Variants in NBEA observed in about 807,000 individuals in gnomAD.
NBEA encodes the protein lysosomal-trafficking regulator 2.
Under a neutral mutation model 343.4 loss-of-function variants are expected in NBEA, and 44 were observed. The ratio of observed to expected loss-of-function variants is 0.13; its 90% confidence interval spans 0.10 to 0.16. The LOEUF (loss-of-function observed/expected upper bound fraction) is 0.16. Among genes scored for constraint, NBEA ranks in the 10% least tolerant of loss-of-function variants. NBEA has a pLI of 1.00. For missense variants in NBEA, 2,555 were observed against 3,631.3 expected, an observed-to-expected ratio of 0.70 and a Z score of 7.62; for synonymous variants, 1,175 against 1,238.7, an observed-to-expected ratio of 0.95 and a Z score of 1.08.
At chr13:35,576,064 G>A (rs1475280860) in intron 45 of NBEA, among the ~76,000 whole-genome samples, 1 of 151,388 alleles carries the variant, frequency 6.6e-6, no homozygotes, top group African/African-American at 2.4e-5. Flanking sequence ...TTTGATGTAC[G>A]CTGATTCAAA....
At chr13:35,212,232 T>G (rs987442373) in intron 33 of NBEA, among the ~76,000 whole-genome samples, 1 of 152,204 alleles carries the variant, frequency 6.6e-6, no homozygotes, top group Admixed American at 6.5e-5. Context: ...TTTTGTCCTT[T>G]TTGAATTTTA....
chr13:35,457,727 G>C (rs1352902662), intron 40 of NBEA, among the ~76,000 whole-genome samples: 1 of 152,084 alleles, frequency 6.6e-6, no homozygotes, highest in African/African-American at 2.4e-5. Flanking sequence ...TCCTGCCTCA[G>C]CCTCCCGAGT....
At chr13:35,402,272 A>C (rs369483955) in intron 38 of NBEA, among the ~76,000 whole-genome samples, 2 of 152,144 alleles carry the variant, frequency 1.3e-5, no homozygotes, top group East Asian at 3.9e-4. Flanking sequence ...AATAGTAAAA[A>C]TGAGTTCAAA....
At chr13:35,276,284 C>T (rs569142618) in intron 34 of NBEA, among the ~76,000 whole-genome samples, 4 of 151,784 alleles carry the variant, frequency 2.6e-5, no homozygotes, top group East Asian at 3.9e-4. Flanking sequence ...TTTTTAAATG[C>T]GAACCAGGAA....
chr13:35,104,897 T>C (rs1219524567), intron 11 of NBEA, among the ~76,000 whole-genome samples: 1 of 151,980 alleles, frequency 6.6e-6, no homozygotes, highest in Non-Finnish European at 1.5e-5. Context: ...ATCTTAAACA[T>C]TAGGAAAATA....
intron 35 of NBEA, among the ~76,000 whole-genome samples, chr13:35,295,133 A>G (rs2085208864): frequency 6.8e-6 from 1 of 148,114 alleles, no homozygotes; most frequent in South Asian, 2.1e-4. Flanking sequence ...TATAAATATA[A>G]TATTTATAAT....
chr13:34,960,621 T>G (rs2059632474), intron 1 of NBEA, among the ~76,000 whole-genome samples: 1 of 152,088 alleles, frequency 6.6e-6, no homozygotes, highest in Non-Finnish European at 1.5e-5. Context: ...ACTGTATCTT[T>G]TCTGTGTCTA....
chr13:35,036,857 T>G (rs2062460798), intron 1 of NBEA, among the ~76,000 whole-genome samples: 1 of 152,154 alleles, frequency 6.6e-6, no homozygotes, highest in Admixed American at 6.6e-5. Flanking sequence ...GGGCGCTTGA[T>G]TACTAAATGT....
At chr13:35,023,862 A>G (rs2061928978) in intron 1 of NBEA, among the ~76,000 whole-genome samples, 1 of 152,044 alleles carries the variant, frequency 6.6e-6, no homozygotes, top group Non-Finnish European at 1.5e-5. Context: ...GTGCATGCGC[A>G]GGTTTGTTAC....
intron 1 of NBEA, among the ~76,000 whole-genome samples, chr13:35,008,331 C>T (rs1029945874): frequency 1.3e-5 from 2 of 152,140 alleles, no homozygotes; most frequent in African/African-American, 4.8e-5. Flanking sequence ...ATGCTCTAAT[C>T]CCTTAAGGAA....
chr13:35,233,252 A>G (rs546779634), intron 34 of NBEA, among the ~76,000 whole-genome samples: 1 of 152,294 alleles, frequency 6.6e-6, no homozygotes, highest in East Asian at 1.9e-4. Context: ...GATGATCTGT[A>G]GGTGAATAAT....
At chr13:35,079,898 A>G (rs758916123) in intron 10 of NBEA, among the ~76,000 whole-genome samples, 10 of 152,208 alleles carry the variant, frequency 6.6e-5, no homozygotes, top group Admixed American at 2.0e-4. Context: ...TGGTGGTTTT[A>G]TACTTTTTCT....
At chr13:35,569,360 AT>A (rs2080286363) in intron 45 of NBEA, among the ~76,000 whole-genome samples, 3 of 152,304 alleles carry the variant, frequency 2.0e-5, no homozygotes, top group Admixed American at 1.3e-4. Context: ...TTACTTAGAC[AT>A]TATAAAATAT....
intron 17 of NBEA, among the ~76,000 whole-genome samples, chr13:35,130,963 G>A (rs2067390423): frequency 6.6e-6 from 1 of 152,024 alleles, no homozygotes; most frequent in South Asian, 2.1e-4. Flanking sequence ...ACACTTGTGA[G>A]ATTTGGTCTA....
At chr13:35,101,008 C>T (rs1161737630) in intron 11 of NBEA, among the ~76,000 whole-genome samples, 1 of 151,870 alleles carries the variant, frequency 6.6e-6, no homozygotes, top group Non-Finnish European at 1.5e-5. Flanking sequence ...TTTCAGTGTG[C>T]ATCCATGTTA....
At chr13:35,142,451 T>A (rs2068142514) in intron 18 of NBEA, 74 bp downstream of exon 18, 3 of 958,758 alleles carry the variant, frequency 3.1e-6, no homozygotes, top group Non-Finnish European at 4.6e-6. Context: ...GCAATTGAGA[T>A]GAGTAGTTGG....
chr13:35,346,439 T>C (rs2039881171), intron 36 of NBEA, among the ~76,000 whole-genome samples: 1 of 152,138 alleles, frequency 6.6e-6, no homozygotes, highest in African/African-American at 2.4e-5. Context: ...GATGTTCTTT[T>C]TTAGCTTCTT....
At chr13:35,192,948 A>G (rs1296962731) in intron 30 of NBEA, among the ~76,000 whole-genome samples, 1 of 151,998 alleles carries the variant, frequency 6.6e-6, no homozygotes, top group African/African-American at 2.4e-5. Flanking sequence ...TCAAAACACT[A>G]GACCATATCT....
At chr13:35,370,742 T>C (rs892864287) in intron 38 of NBEA, among the ~76,000 whole-genome samples, 4 of 152,104 alleles carry the variant, frequency 2.6e-5, no homozygotes, top group African/African-American at 7.2e-5. Context: ...ATTTTCATGA[T>C]TGGAGATAGC....
Sources: allele counts gnomAD v4.1 joint callset (sites outside exome capture counted in the v4.1 genomes callset), GRCh38; gene constraint gnomAD v4.1.1; transcripts MANE v1.5; gene names NCBI Gene and HGNC (gene_info 2026-07-23, HGNC 2026-07-21).